Variants in C1GALT1 observed in about 807,000 individuals in gnomAD.
C1GALT1 encodes the protein glycoprotein-N-acetylgalactosamine 3-beta-galactosyltransferase 1.
In C1GALT1, 11 loss-of-function variants were observed where a neutral mutation model predicts 31.0. The observed-to-expected ratio is 0.36, with a 90% CI of 0.22 to 0.59. The LOEUF (loss-of-function observed/expected upper bound fraction) is 0.59. Ranked by LOEUF, C1GALT1 falls within the 20% of genes least tolerant of loss-of-function variation. The pLI, the probability that C1GALT1 is intolerant of heterozygous loss-of-function variation, is 0.79. For missense variants in C1GALT1, 424 were observed against 425.2 expected, an observed-to-expected ratio of 1.00 and a Z score of 0.03; for synonymous variants, 175 against 143.6, an observed-to-expected ratio of 1.22 and a Z score of -1.56.
chr7:7,216,727 G>T (rs575798838), intron 1 of C1GALT1, among the ~76,000 whole-genome samples: 24 of 152,154 alleles, frequency 1.6e-4, no homozygotes, highest in South Asian at 4.1e-4. Context: ...TAGAATGGCC[G>T]TTTTCCCACT....
intron 2 of C1GALT1, 121 bp downstream of exon 2, chr7:7,234,660 TG>T: frequency 1.4e-6 from 1 of 718,508 alleles, no homozygotes; most frequent in Non-Finnish European, 2.2e-6. Context: ...AAATAATTCT[TG>T]GTTTGCCTCA....
At chr7:7,184,948 C>T (rs1234730839) in intron 1 of C1GALT1, among the ~76,000 whole-genome samples, 5 of 152,118 alleles carry the variant, frequency 3.3e-5, no homozygotes, top group African/African-American at 1.2e-4. Flanking sequence ...GAGACTTGTT[C>T]CATAAAATGA....
At chr7:7,172,671 G>C (rs966633138) in intron 2 of C1GALT1, among the ~76,000 whole-genome samples, 14 of 151,906 alleles carry the variant, frequency 9.2e-5, no homozygotes, top group Non-Finnish European at 1.6e-4. Flanking sequence ...TGCCATTTTA[G>C]GTTTACAGTG....
chr7:7,164,313 C>T (rs114153327), intron 2 of C1GALT1, among the ~76,000 whole-genome samples: 3,288 of 152,242 alleles, frequency 0.022, 115 homozygotes, highest in African/African-American at 0.075. Flanking sequence ...CTTCATTTCT[C>T]ATGTGGAACA....
chr7:7,232,489 T>G (rs1274618020), intron 1 of C1GALT1, among the ~76,000 whole-genome samples: 1 of 95,892 alleles, frequency 1.0e-5, no homozygotes, highest in Non-Finnish European at 1.9e-5. Flanking sequence ...CGTGGGTTTT[T>G]TTTTTTTGTT....
intron 2 of C1GALT1, among the ~76,000 whole-genome samples, chr7:7,160,356 G>T (rs1780321002): frequency 6.6e-6 from 1 of 152,068 alleles, no homozygotes; most frequent in African/African-American, 2.4e-5. Context: ...CCTGCCATTT[G>T]ACTAATCAGG....
In C1GALT1 at chr7:7,197,716, G is replaced by C. The variant is rs1467098593; in HGVS notation, c.-18+14896G>C. ...ATTTGTTTGTGTCCTCTTTTATTTT[G>C]TTGAGCAGTGGTTTGTAGTTCTCCT... On this transcript the variant is annotated intron_variant, in intron 1 of 3. Coordinates refer to ENST00000436587, the MANE Select transcript of C1GALT1 (RefSeq NM_020156.5). Among the ~76,000 whole-genome samples the C allele has an allele frequency of 2.6e-5, 4 of 152,074 alleles. No homozygotes were observed. The South Asian group carries it at 6.2e-4, about 24-fold the overall frequency.
At chr7:7,236,307 G>A (rs1719956293) in intron 2 of C1GALT1, among the ~76,000 whole-genome samples, 1 of 152,104 alleles carries the variant, frequency 6.6e-6, no homozygotes, top group South Asian at 2.1e-4. Flanking sequence ...ATCAAGTTCA[G>A]CGGTGGACAA....
chr7:7,178,109 A>ATCCT, upstream of C1GALT1: 1 of 207,742 alleles, frequency 4.8e-6, no homozygotes, highest in Non-Finnish European at 1.1e-5. Context: ...ATCCAGTTTG[A>ATCCT]AAAGGAGCAA....
chr7:7,164,994 A>G (rs952537770), intron 2 of C1GALT1, among the ~76,000 whole-genome samples: 6 of 152,198 alleles, frequency 3.9e-5, no homozygotes, highest in Admixed American at 2.6e-4. Context: ...ACCCTAGGAA[A>G]GATTAACCTT....
At chr7:7,187,613 C>T (rs926861976) in intron 1 of C1GALT1, among the ~76,000 whole-genome samples, 2 of 152,082 alleles carry the variant, frequency 1.3e-5, no homozygotes, top group Non-Finnish European at 2.9e-5. Flanking sequence ...GGCTAAATAT[C>T]CTACAGAGGA....
chr7:7,193,989 G>A (rs979591747), intron 1 of C1GALT1, among the ~76,000 whole-genome samples: 1 of 151,894 alleles, frequency 6.6e-6, no homozygotes, highest in Admixed American at 6.6e-5. Context: ...TGCTGTTAGT[G>A]TATAGCAATG....
Position 7,203,843 on chromosome 7 carries a change from G to A in C1GALT1, c.-18+21023G>A, listed in dbSNP as rs574818251. ...AACATTCAGTATCCTCCTCCTAGCT[G>A]TTTGAAACTATATTATTATTGTTAA... On this transcript the variant is annotated intron_variant, in intron 1 of 3. Transcript: ENST00000436587. Among the ~76,000 whole-genome samples the A allele has an allele frequency of 7.3e-5, 11 of 149,824 alleles. No homozygotes were observed. In the South Asian group the frequency reaches 2.3e-3, roughly 31 times the overall value.
chr7:7,163,132 TG>T (rs1223819249), intron 2 of C1GALT1, among the ~76,000 whole-genome samples: 1 of 152,196 alleles, frequency 6.6e-6, no homozygotes, highest in Non-Finnish European at 1.5e-5. Context: ...AGATCCCATT[TG>T]TCAATTTTGG....
At chr7:7,161,627 C>T (rs903620449) in intron 2 of C1GALT1, among the ~76,000 whole-genome samples, 6 of 152,024 alleles carry the variant, frequency 3.9e-5, no homozygotes, top group African/African-American at 1.4e-4. Context: ...GCATCATCAT[C>T]TTCCTTTTAC....
At chr7:7,216,588 G>A (rs372113070) in intron 1 of C1GALT1, among the ~76,000 whole-genome samples, 1 of 150,668 alleles carries the variant, frequency 6.6e-6, no homozygotes, top group Non-Finnish European at 1.5e-5. Context: ...CTGCTATTAC[G>A]GCCCATGCTA....
chr7:7,208,623 G>A (rs1377473018), intron 1 of C1GALT1, among the ~76,000 whole-genome samples: 2 of 152,180 alleles, frequency 1.3e-5, no homozygotes, highest in African/African-American at 2.4e-5. Context: ...CAGCTAGAGG[G>A]GGAGGGGCTT....
At chr7:7,197,116 C>G (rs1303007978) in intron 1 of C1GALT1, among the ~76,000 whole-genome samples, 2 of 152,180 alleles carry the variant, frequency 1.3e-5, no homozygotes. Flanking sequence ...AGTCCTTGCC[C>G]ATGCCTATGG....
intron 1 of C1GALT1, among the ~76,000 whole-genome samples, chr7:7,205,666 TTCTTG>T (rs1428632097): frequency 6.6e-6 from 1 of 152,236 alleles, no homozygotes; most frequent in Non-Finnish European, 1.5e-5. Flanking sequence ...TATAATGTCC[TTCTTG>T]TCTTTTGTAA....
Sources: gnomAD v4.1 joint callset for allele counts (sites outside exome capture counted in the v4.1 genomes callset) on GRCh38, gnomAD v4.1.1 for gene constraint, MANE v1.5 for transcripts, NCBI Gene and HGNC (gene_info 2026-07-23, HGNC 2026-07-21) for gene names.